Variants in SLC25A24 observed in about 807,000 individuals in gnomAD.
SLC25A24 encodes the protein solute carrier family 25 member 24.
A neutral mutation model predicts 60.7 loss-of-function variants in SLC25A24; 49 were observed. The ratio of observed to expected loss-of-function variants is 0.81; its 90% CI spans 0.64 to 1.02. The LOEUF is 1.02. Ranked by LOEUF, SLC25A24 falls within the 50% of genes least tolerant of loss-of-function variation. The pLI, the probability that SLC25A24 is intolerant of heterozygous loss-of-function variation, is 0.00. For missense variants in SLC25A24, 564 were observed against 586.3 expected, an observed-to-expected ratio of 0.96 and a Z score of 0.39; for synonymous variants, 202 against 200.6, an observed-to-expected ratio of 1.01 and a Z score of -0.06.
In SLC25A24 at chr1:108,140,373, T is replaced by C. The variant is rs1270500458; in HGVS notation, c.1099-1165A>G. 2.0e-5 allele frequency among the ~76,000 whole-genome samples: 3 copies of C among 152,070 alleles called. No homozygotes were observed. In the East Asian group the frequency reaches 5.8e-4, roughly 29 times the overall value. On this transcript the variant is annotated intron_variant, in intron 8 of 9. Transcript: ENST00000565488. ...AAAAGCTGATACAGCTTATCACCACTAGACCGGCCCTACAAGAAAGGCTAA... is the reference window on the plus strand; with the variant it reads ...AAAAGCTGATACAGCTTATCACCACCAGACCGGCCCTACAAGAAAGGCTAA...
At chr1:108,180,798 T>C (rs903134627) in intron 3 of SLC25A24, among the ~76,000 whole-genome samples, 4 of 152,190 alleles carry the variant, frequency 2.6e-5, no homozygotes, top group African/African-American at 7.2e-5. Flanking sequence ...AAATTTCCAT[T>C]GTTTAATGCA....
intron 1 of SLC25A24, among the ~76,000 whole-genome samples, chr1:108,189,715 T>C (rs1277030355): frequency 1.3e-5 from 2 of 151,078 alleles, no homozygotes; most frequent in East Asian, 2.0e-4. Flanking sequence ...ACTCCGGAGG[T>C]TGAGGCACAA....
At chr1:108,158,919 C>T (rs1164142499) in intron 4 of SLC25A24, among the ~76,000 whole-genome samples, 4 of 152,094 alleles carry the variant, frequency 2.6e-5, no homozygotes, top group African/African-American at 4.8e-5. Context: ...AGGAGAATGG[C>T]GTGAACCCCG....
At position 108,157,560 on chromosome 1, in the gene SLC25A24, A is replaced by AT. The variant is rs763273320; in HGVS notation, c.570dup (p.Ser191IlefsTer74). The AT allele has an allele frequency of 6.2e-7, 1 of 1,613,744 alleles. No individual in the cohort carries two copies. Among genetic ancestry groups the AT allele is most frequent in the African/African-American group, 1.3e-5 (1 of 74,914 alleles). ...AAAAGCTGCCTCCACCATTGTCCGG[A>AT]TTTTTTTTCGTCTTCCGTGAATTCA... On this transcript the variant is annotated frameshift_variant, in exon 5 of 10. Coordinates refer to ENST00000565488, the MANE Select transcript of SLC25A24 (RefSeq NM_013386.5). LOFTEE classifies it high-confidence loss of function.
At chr1:108,183,246 G>A (rs1415485110) in intron 2 of SLC25A24, among the ~76,000 whole-genome samples, 4 of 152,340 alleles carry the variant, frequency 2.6e-5, no homozygotes, top group African/African-American at 9.6e-5. Flanking sequence ...ATCCTCCTGG[G>A]GAGAGGGAAG....
At chr1:108,181,836 A>T in intron 3 of SLC25A24, 105 bp downstream of exon 3, 2 of 779,610 alleles carry the variant, frequency 2.6e-6, no homozygotes, top group Non-Finnish European at 4.5e-6. Flanking sequence ...TTGGATATAC[A>T]TAATGAAGAC....
chr1:108,170,305 A>G (rs1647417024), intron 3 of SLC25A24, among the ~76,000 whole-genome samples: 1 of 152,166 alleles, frequency 6.6e-6, no homozygotes, highest in Non-Finnish European at 1.5e-5. Flanking sequence ...TTCTATTTTA[A>G]TGCATAGTGG....
At chr1:108,155,209 T>C in intron 5 of SLC25A24, 74 bp from the exon 6 acceptor site, 1 of 1,300,646 alleles carries the variant, frequency 7.7e-7, no homozygotes. Context: ...AACCACACAA[T>C]CTTTTTCAAT....
intron 3 of SLC25A24, among the ~76,000 whole-genome samples, chr1:108,174,267 G>C (rs1647588592): frequency 6.6e-6 from 1 of 152,126 alleles, no homozygotes; most frequent in African/African-American, 2.4e-5. Context: ...CTCAGGACTT[G>C]GTGCCCTGCA....
chr1:108,197,073 T>G (rs1648519567), intron 1 of SLC25A24, among the ~76,000 whole-genome samples: 1 of 151,398 alleles, frequency 6.6e-6, no homozygotes, highest in Non-Finnish European at 1.5e-5. Flanking sequence ...GTGAGGAGAT[T>G]TGGAACATAC....
In SLC25A24 at chr1:108,190,998, A is replaced by T. The variant is rs775554167; in HGVS notation, c.184-5044T>A. Among the ~76,000 whole-genome samples the T allele has an allele frequency of 7.1e-5, 10 of 140,212 alleles. 2 individuals are homozygous for T. The highest frequency in any genetic ancestry group is 2.4e-4 in the Admixed American group (3 of 12,494). The allele number at this position is 140,212 out of a possible 152,430, so 92.0% of individuals were successfully genotyped here. On this transcript the variant is annotated intron_variant, in intron 1 of 9. Coordinates refer to ENST00000565488, the MANE Select transcript of SLC25A24 (RefSeq NM_013386.5). ...AAACCTTTTGTTTCAATAAGGAAGA[A>T]ATGTGTTTCAAAAGATTCGACTTGA...
intron 3 of SLC25A24, among the ~76,000 whole-genome samples, chr1:108,169,403 T>G (rs997512480): frequency 6.6e-6 from 1 of 152,192 alleles, no homozygotes; most frequent in Non-Finnish European, 1.5e-5. Flanking sequence ...AGAAGGTACA[T>G]CTTTTCTATA....
chr1:108,175,105 T>C (rs928487024), intron 3 of SLC25A24, among the ~76,000 whole-genome samples: 1 of 152,108 alleles, frequency 6.6e-6, no homozygotes, highest in African/African-American at 2.4e-5. Flanking sequence ...AACATGGGAT[T>C]TGGGAGGGAC....
intron 2 of SLC25A24, among the ~76,000 whole-genome samples, chr1:108,184,001 A>C (rs960316382): frequency 6.6e-6 from 1 of 152,222 alleles, no homozygotes; most frequent in African/African-American, 2.4e-5. Flanking sequence ...CCAAATAATG[A>C]GGATCAACTG....
At chr1:108,185,802 G>T in intron 2 of SLC25A24, 26 bp downstream of exon 2, 1 of 1,552,542 alleles carries the variant, frequency 6.4e-7, no homozygotes. Flanking sequence ...TTCATAGCTG[G>T]TGATAAATAC....
At chr1:108,144,489 G>A (rs1481921691) in intron 7 of SLC25A24, among the ~76,000 whole-genome samples, 2 of 152,122 alleles carry the variant, frequency 1.3e-5, no homozygotes, top group South Asian at 4.1e-4. Flanking sequence ...GTGCAGGTTT[G>A]TTACATAGGT....
chr1:108,187,778 G>A (rs1032146126), intron 1 of SLC25A24, among the ~76,000 whole-genome samples: 7 of 151,350 alleles, frequency 4.6e-5, no homozygotes, highest in East Asian at 1.9e-4. Context: ...TTTATGAGGC[G>A]GGTATACACT....
intron 4 of SLC25A24, among the ~76,000 whole-genome samples, chr1:108,159,318 T>C (rs540242238): frequency 2.5e-4 from 38 of 152,302 alleles, no homozygotes; most frequent in Non-Finnish European, 4.0e-4. Flanking sequence ...ATTTGGACAA[T>C]ATAGTACCTA....
chr1:108,154,833 A>T, intron 6 of SLC25A24, 150 bp downstream of exon 6: 1 of 444,362 alleles, frequency 2.3e-6, no homozygotes, highest in East Asian at 3.5e-5. Context: ...TATTTAGTCT[A>T]ATCTCCTATA....
Sources: allele counts gnomAD v4.1 joint callset (sites outside exome capture counted in the v4.1 genomes callset), GRCh38; gene constraint gnomAD v4.1.1; transcripts MANE v1.5; gene names NCBI Gene and HGNC (gene_info 2026-07-23, HGNC 2026-07-21).